The following PCDH9 variants were observed in gnomAD, a reference collection of about 807,000 sequenced individuals.
PCDH9 encodes the protein protocadherin 9, also known as protocadherin-9.
A neutral mutation model predicts 70.6 loss-of-function variants in PCDH9; 24 were observed. The observed-to-expected ratio is 0.34, with a 90% CI of 0.25 to 0.48. The LOEUF is 0.48. PCDH9 is among the 20% of genes least tolerant of loss of function. The pLI, the probability that PCDH9 is intolerant of heterozygous loss-of-function variation, is 0.99. For missense variants in PCDH9, 1,281 were observed against 1,503.6 expected, an observed-to-expected ratio of 0.85 and a Z score of 2.45; for synonymous variants, 562 against 558.5, an observed-to-expected ratio of 1.01 and a Z score of -0.09.
chr13:66,390,895 G>A (rs1957006295), intron 4 of PCDH9, among the ~76,000 whole-genome samples: 1 of 152,152 alleles, frequency 6.6e-6, no homozygotes, highest in African/African-American at 2.4e-5. Flanking sequence ...TTGATATAGA[G>A]TAGAGCATGC....
chr13:66,326,071 G>C (rs1457574466), intron 4 of PCDH9, among the ~76,000 whole-genome samples: 3 of 152,042 alleles, frequency 2.0e-5, no homozygotes, highest in African/African-American at 4.8e-5. Flanking sequence ...AACTCCAACC[G>C]CCTTGTTTTT....
intron 4 of PCDH9, among the ~76,000 whole-genome samples, chr13:66,464,814 C>T (rs1000163570): frequency 6.6e-6 from 1 of 151,862 alleles, no homozygotes; most frequent in African/African-American, 2.4e-5. Context: ...TATCTTAATG[C>T]TGAGGTGTCT....
At chr13:66,912,426 C>A (rs2082483391) in intron 2 of PCDH9, among the ~76,000 whole-genome samples, 2 of 151,984 alleles carry the variant, frequency 1.3e-5, no homozygotes, top group South Asian at 4.1e-4. Context: ...TGGAGACGAG[C>A]CCAGGTGTAT....
At chr13:66,922,570 A>G (rs943770643) in intron 2 of PCDH9, among the ~76,000 whole-genome samples, 1 of 151,488 alleles carries the variant, frequency 6.6e-6, no homozygotes, top group African/African-American at 2.4e-5. Flanking sequence ...CCTTATGTTC[A>G]TAGCCTCCCT....
intron 3 of PCDH9, among the ~76,000 whole-genome samples, chr13:66,762,234 GT>G (rs1474061447): frequency 1.3e-5 from 2 of 152,100 alleles, no homozygotes; most frequent in African/African-American, 4.8e-5. Flanking sequence ...AAGCCTGCCA[GT>G]TGCTGAGGTT....
At chr13:66,482,232 T>C (rs1958854440) in intron 4 of PCDH9, among the ~76,000 whole-genome samples, 1 of 152,210 alleles carries the variant, frequency 6.6e-6, no homozygotes, top group Admixed American at 6.5e-5. Flanking sequence ...GTCTCAAAAA[T>C]GTTCTCAAGA....
At chr13:66,966,475 G>A (rs1015764318) in intron 2 of PCDH9, among the ~76,000 whole-genome samples, 3 of 152,064 alleles carry the variant, frequency 2.0e-5, no homozygotes, top group Non-Finnish European at 4.4e-5. Flanking sequence ...ACCCTCAGTC[G>A]AGGCTGCCAA....
chr13:66,709,645 G>A (rs768971843), intron 3 of PCDH9, among the ~76,000 whole-genome samples: 7 of 152,152 alleles, frequency 4.6e-5, no homozygotes, highest in Non-Finnish European at 8.8e-5. Flanking sequence ...CTGACAAACT[G>A]TGTTGAGTCA....
chr13:66,695,143 T>A (rs568718185), intron 3 of PCDH9, among the ~76,000 whole-genome samples: 1 of 152,132 alleles, frequency 6.6e-6, no homozygotes, highest in South Asian at 2.1e-4. Flanking sequence ...GACCTCGTGA[T>A]CCTCCCGCCT....
intron 3 of PCDH9, among the ~76,000 whole-genome samples, chr13:66,775,050 A>T (rs575849737): frequency 6.6e-6 from 1 of 152,314 alleles, no homozygotes; most frequent in South Asian, 2.1e-4. Flanking sequence ...GATTACTGCT[A>T]ATGTTTCACA....
chr13:66,491,397 G>GTGTA (rs1959030861), intron 4 of PCDH9, among the ~76,000 whole-genome samples: 1 of 151,068 alleles, frequency 6.6e-6, no homozygotes, highest in Admixed American at 6.6e-5. Flanking sequence ...GTGTGTGTGT[G>GTGTA]TGTGTGTGTG....
At position 67,090,594 on chromosome 13, in the gene PCDH9, A is replaced by T. The variant is rs1260532959; in HGVS notation, c.3036+134811T>A. 3.3e-5 allele frequency among the ~76,000 whole-genome samples: 5 copies of T among 152,154 alleles called. 1 individual carries two copies. The highest frequency in any genetic ancestry group is 3.3e-4 in the Admixed American group (5 of 15,246). ...TGTTAAACATCAAAAGGAAAAAAAT[A>T]GTAGTGACTGAACTAACAATTACCA... On this transcript the variant is annotated intron_variant, in intron 2 of 4. Transcript: ENST00000377865.
At chr13:66,347,596 T>C (rs1395026207) in intron 4 of PCDH9, among the ~76,000 whole-genome samples, 2 of 152,190 alleles carry the variant, frequency 1.3e-5, no homozygotes, top group Non-Finnish European at 2.9e-5. Flanking sequence ...GTATTTGTCA[T>C]CCTAATTGAG....
At chr13:66,687,335 ACTGGCT>A (rs1360398522) in intron 3 of PCDH9, among the ~76,000 whole-genome samples, 1 of 152,236 alleles carries the variant, frequency 6.6e-6, no homozygotes, top group East Asian at 1.9e-4. Context: ...ATCAATGTCT[ACTGGCT>A]CATTACTTTT....
At chr13:66,681,728 C>G (rs2078322903) in intron 3 of PCDH9, among the ~76,000 whole-genome samples, 1 of 152,018 alleles carries the variant, frequency 6.6e-6, no homozygotes, top group Non-Finnish European at 1.5e-5. Flanking sequence ...TATATGCTCT[C>G]CCAGCATTGT....
chr13:66,934,880 C>G (rs1367097650), intron 2 of PCDH9, among the ~76,000 whole-genome samples: 1 of 147,732 alleles, frequency 6.8e-6, no homozygotes, highest in African/African-American at 2.5e-5. Context: ...GCTACCACGC[C>G]CGGCTAATTT....
At chr13:66,817,204 A>C (rs1263795216) in intron 3 of PCDH9, among the ~76,000 whole-genome samples, 2 of 152,120 alleles carry the variant, frequency 1.3e-5, no homozygotes, top group South Asian at 2.1e-4. Context: ...AGATTTTGGT[A>C]TTGCCTGGGG....
intron 3 of PCDH9, among the ~76,000 whole-genome samples, chr13:66,823,198 A>T (rs2080745789): frequency 6.6e-6 from 1 of 151,978 alleles, no homozygotes; most frequent in Non-Finnish European, 1.5e-5. Flanking sequence ...TTAGAGGCCA[A>T]ACAGAAAAAA....
intron 4 of PCDH9, among the ~76,000 whole-genome samples, chr13:66,493,081 A>T (rs1959058259): frequency 1.3e-5 from 2 of 152,322 alleles, no homozygotes; most frequent in African/African-American, 4.8e-5. Flanking sequence ...CATGTTTCCT[A>T]TGTGACTATA....
Sources: allele counts gnomAD v4.1 joint callset (sites outside exome capture counted in the v4.1 genomes callset), GRCh38; gene constraint gnomAD v4.1.1; transcripts MANE v1.5; gene names NCBI Gene and HGNC (gene_info 2026-07-23, HGNC 2026-07-21).